The following PTP4A1 variants were observed in gnomAD, a reference collection of about 807,000 sequenced individuals.
PTP4A1 encodes the protein protein tyrosine phosphatase type IVA 1.
PTP4A1 carries 9 observed loss-of-function variants against 20.5 expected under a neutral mutation model. That is an observed-to-expected ratio of 0.44 (90% CI 0.26 to 0.77). PTP4A1 has a LOEUF of 0.77. PTP4A1 is among the 30% of genes least tolerant of loss of function. The pLI, the probability that PTP4A1 is intolerant of heterozygous loss-of-function variation, is 0.19. For missense variants in PTP4A1, 137 were observed against 218.8 expected (o/e 0.63, Z 2.36); for synonymous variants, 78 against 67.4 (o/e 1.16, Z -0.77).
At chr6:63,517,944 G>C (rs998130425), upstream of PTP4A1, among the ~76,000 whole-genome samples, 3 of 152,132 alleles carry the variant, frequency 2.0e-5, no homozygotes, top group Non-Finnish European at 4.4e-5. Flanking sequence ...CCTGAGGTCA[G>C]GAGTTCAAGA....
intron 3 of PTP4A1, among the ~76,000 whole-genome samples, chr6:63,551,177 T>G (rs1454839704): frequency 6.6e-6 from 1 of 152,142 alleles, no homozygotes; most frequent in Non-Finnish European, 1.5e-5. Flanking sequence ...GTGATTCTCC[T>G]GCCTCAGCCT....
chr6:63,534,792 C>CTTTAGTAAAGAATTTCATAAAGAATTTG (rs1775641696), intron 2 of PTP4A1, among the ~76,000 whole-genome samples: 7 of 146,478 alleles, frequency 4.8e-5, no homozygotes, highest in Non-Finnish European at 1.0e-4. Flanking sequence ...TAAAGAATTT[C>CTTTAGTAAAGAATTTCATAAAGAATTTG]TTTAGTAAAG....
upstream of PTP4A1, among the ~76,000 whole-genome samples, chr6:63,519,483 G>T (rs894528994): frequency 2.6e-5 from 4 of 152,114 alleles, no homozygotes; most frequent in African/African-American, 9.7e-5. Flanking sequence ...TGTCTTACCA[G>T]GTGAGGGAAA....
intron 1 of PTP4A1, among the ~76,000 whole-genome samples, chr6:63,526,668 C>T (rs913007890): frequency 4.6e-5 from 7 of 151,252 alleles, no homozygotes; most frequent in Admixed American, 1.3e-4. Flanking sequence ...ATTAGCTGGA[C>T]GTGGTGGCGT....
At position 63,582,281 on chromosome 6, in the gene PTP4A1, A is replaced by C. The variant is rs927415510; in HGVS notation, c.*2107A>C. ...ATGTTAAACTATTACCACACAGCCC[A>C]TAAAACAGCATTTGCGTTTATTGAG... On this transcript the variant is annotated 3_prime_UTR_variant, in exon 6 of 6. Coordinates refer to ENST00000626021, the MANE Select transcript of PTP4A1 (RefSeq NM_003463.5). 1 of 152,610 alleles carries C rather than the reference A, an allele frequency of 6.6e-6. No homozygotes were observed. Among genetic ancestry groups the C allele is most frequent in the African/African-American group, 2.4e-5 (1 of 41,450 alleles). The allele number at this position is 152,610 out of a possible 1,614,324, so 9.5% of individuals were successfully genotyped here. A position where few individuals can be genotyped will look rare whatever the true frequency, so the allele number is the denominator to read the frequency against.
Position 63,580,260 on chromosome 6 carries a change from A to G in PTP4A1, c.*86A>G. 1 of 1,094,820 alleles carries G rather than the reference A, an allele frequency of 9.1e-7. No homozygotes were observed. The highest frequency in any genetic ancestry group is 1.4e-6 in the Non-Finnish European group (1 of 726,066). 67.8% of individuals were successfully genotyped at this position (1,094,820 alleles called of 1,614,324 possible). ...TATTAGCCAACATGTTGGCTTAGTA[A>G]GTCTAATGAAGCTTCCATAGGAGTA... On this transcript the variant is annotated 3_prime_UTR_variant, in exon 6 of 6. Transcript: ENST00000626021.
At chr6:63,545,296 C>T (rs1776134137) in intron 2 of PTP4A1, among the ~76,000 whole-genome samples, 1 of 152,160 alleles carries the variant, frequency 6.6e-6, no homozygotes, top group Non-Finnish European at 1.5e-5. Context: ...TAATCTCTGG[C>T]TCAAGAAATC....
chr6:63,568,670 AC>A (rs1478558631), upstream of PTP4A1, among the ~76,000 whole-genome samples: 7 of 151,894 alleles, frequency 4.6e-5, no homozygotes, highest in East Asian at 1.9e-4. Flanking sequence ...AAAAAAAAAA[AC>A]AATATTTGCA....
At chr6:63,536,372 T>A (rs1562115432) in intron 2 of PTP4A1, among the ~76,000 whole-genome samples, 1 of 152,142 alleles carries the variant, frequency 6.6e-6, no homozygotes, top group South Asian at 2.1e-4. Flanking sequence ...ATAGCTATAT[T>A]TAATTTTGAC....
intron 3 of PTP4A1, among the ~76,000 whole-genome samples, chr6:63,557,758 A>G (rs894431406): frequency 2.0e-5 from 3 of 152,176 alleles, no homozygotes; most frequent in Non-Finnish European, 4.4e-5. Context: ...TAAGGCAGTC[A>G]TGATCTTGAA....
chr6:63,540,265 A>G (rs796408516), intron 2 of PTP4A1, among the ~76,000 whole-genome samples: 1 of 126,944 alleles, frequency 7.9e-6, no homozygotes, highest in Admixed American at 7.8e-5. Flanking sequence ...CCAGATGTAT[A>G]TAGAATCATA....
Position 63,582,934 on chromosome 6 carries a change from A to G in PTP4A1, c.*2760A>G, listed in dbSNP as rs1158498576. ...TCACATCCCCCTTCTAGAGTGCTTC[A>G]AAATGATGTAGTCCCTCAACTTGGC... On this transcript the variant is annotated 3_prime_UTR_variant, in exon 6 of 6. Coordinates refer to ENST00000626021, the MANE Select transcript of PTP4A1 (RefSeq NM_003463.5). 6.6e-6 allele frequency: 1 copy of G among 152,220 alleles called. No homozygotes were observed. The highest frequency in any genetic ancestry group is 1.9e-4 in the East Asian group (1 of 5,194). The allele number at this position is 152,220 out of a possible 1,614,324, so 9.4% of individuals were successfully genotyped here.
intron 3 of PTP4A1, among the ~76,000 whole-genome samples, chr6:63,563,460 T>C (rs1407407644): frequency 1.3e-5 from 2 of 152,186 alleles, no homozygotes; most frequent in African/African-American, 4.8e-5. Context: ...TTCATTCTCA[T>C]CATTTAGATC....
upstream of PTP4A1, among the ~76,000 whole-genome samples, chr6:63,569,325 G>A (rs1282811264): frequency 2.6e-5 from 4 of 152,176 alleles, no homozygotes; most frequent in Non-Finnish European, 4.4e-5. Flanking sequence ...CCATGATCTC[G>A]GCTCACTGCA....
chr6:63,516,819 T>C (rs1357613611), upstream of PTP4A1, among the ~76,000 whole-genome samples: 1 of 152,184 alleles, frequency 6.6e-6, no homozygotes, highest in Non-Finnish European at 1.5e-5. Flanking sequence ...AGCTAGAATA[T>C]GGACATGAAG....
intron 2 of PTP4A1, among the ~76,000 whole-genome samples, chr6:63,545,371 A>C (rs904488694): frequency 1.3e-5 from 2 of 152,084 alleles, no homozygotes; most frequent in African/African-American, 4.8e-5. Flanking sequence ...GCACTTTGGG[A>C]GGCGGAGGCA....
intron 5 of PTP4A1, among the ~76,000 whole-genome samples, chr6:63,579,831 C>T (rs900705541): frequency 1.3e-5 from 2 of 152,018 alleles, no homozygotes; most frequent in Admixed American, 6.6e-5. Flanking sequence ...ATTTGTGAGT[C>T]GACTGTTGTA....
chr6:63,550,413 T>C (rs1263600019), exon 3 of PTP4A1: 1 of 152,096 alleles, frequency 6.6e-6, no homozygotes, highest in Non-Finnish European at 1.5e-5. Flanking sequence ...TTCAGACGAC[T>C]CTACCTGAGG....
Position 63,565,447 on chromosome 6 carries a change from T to A in PTP4A1, c.-445-10989T>A, listed in dbSNP as rs189334765. On this transcript the variant is annotated intron_variant, in intron 3 of 3. Transcript: ENST00000639568. ...GAGAATTGTTTCTTAAAATAGACTT[T>A]AAAAAAAAAAGTTGTTCAAAACTGC... Among the ~76,000 whole-genome samples, 103 of 149,154 alleles carry A rather than the reference T, an allele frequency of 6.9e-4. 1 individual carries two copies. The East Asian group carries it at 0.019, about 27-fold the overall frequency.
Sources: allele counts gnomAD v4.1 joint callset (sites outside exome capture counted in the v4.1 genomes callset), GRCh38; gene constraint gnomAD v4.1.1; transcripts MANE v1.5; gene names NCBI Gene and HGNC (gene_info 2026-07-23, HGNC 2026-07-21).